Variants in COL5A2 observed in about 807,000 individuals in gnomAD.
COL5A2 encodes collagen type V alpha 2 chain.
In COL5A2, 23 loss-of-function variants were observed where a neutral mutation model predicts 208.2. That is an observed-to-expected ratio of 0.11 (90% CI 0.08 to 0.16). The LOEUF (loss-of-function observed/expected upper bound fraction) is 0.16. Ranked by LOEUF, COL5A2 falls within the 10% of genes least tolerant of loss-of-function variation. COL5A2 has a pLI of 1.00. For synonymous variants in COL5A2, 625 were observed against 628.5 expected (o/e 0.99, Z 0.08); for missense variants, 1,590 against 1,956.4 (o/e 0.81, Z 3.53).
intron 1 of COL5A2, among the ~76,000 whole-genome samples, chr2:189,193,326 A>G (rs967631640): frequency 6.6e-6 from 1 of 152,212 alleles, no homozygotes; most frequent in Non-Finnish European, 1.5e-5. Context: ...AAAGAAAGAT[A>G]AAGAATAATG....
chr2:189,419,226 T>A, the COL5A2 span, among the ~76,000 whole-genome samples: 1 of 152,194 alleles, frequency 6.6e-6, no homozygotes, highest in Non-Finnish European at 1.5e-5. Context: ...ATTTCTGCTA[T>A]CTAGAATTTA....
At chr2:189,336,019 C>A in the COL5A2 span, among the ~76,000 whole-genome samples, 1 of 151,638 alleles carries the variant, frequency 6.6e-6, no homozygotes, top group Non-Finnish European at 1.5e-5. Flanking sequence ...AGATCTTTTA[C>A]AATATAGAAA....
At chr2:189,171,577 G>A (rs1434669608) in intron 1 of COL5A2, among the ~76,000 whole-genome samples, 2 of 152,178 alleles carry the variant, frequency 1.3e-5, no homozygotes, top group South Asian at 4.1e-4. Context: ...GAATGACCGG[G>A]TAGCATCATG....
chr2:189,246,625 T>A, the COL5A2 span, among the ~76,000 whole-genome samples: 1 of 152,212 alleles, frequency 6.6e-6, no homozygotes, highest in Admixed American at 6.5e-5. Context: ...GAAAAGAAAT[T>A]GAACTCTGTT....
chr2:189,239,245 T>C, the COL5A2 span, among the ~76,000 whole-genome samples: 1 of 152,116 alleles, frequency 6.6e-6, no homozygotes, highest in East Asian at 1.9e-4. Flanking sequence ...ATTTTTTTAA[T>C]GTTAATAATT....
At chr2:189,059,382 T>C (rs547668642) in intron 31 of COL5A2, among the ~76,000 whole-genome samples, 12 of 152,106 alleles carry the variant, frequency 7.9e-5, no homozygotes, top group African/African-American at 2.6e-4. Context: ...TTCAAACCAG[T>C]GCAGTCATGT....
chr2:189,172,690 C>A (rs1688593597), intron 1 of COL5A2, among the ~76,000 whole-genome samples: 1 of 152,088 alleles, frequency 6.6e-6, no homozygotes, highest in South Asian at 2.1e-4. Context: ...ACATAGACTA[C>A]AACGAGGCTA....
intron 30 of COL5A2, among the ~76,000 whole-genome samples, chr2:189,061,074 CT>C (rs1686020618): frequency 6.6e-6 from 1 of 152,034 alleles, no homozygotes; most frequent in Middle Eastern, 3.2e-3. Context: ...GTTTTTATGG[CT>C]CTGTGAACAA....
At chr2:189,404,738 T>G in the COL5A2 span, among the ~76,000 whole-genome samples, 2 of 152,204 alleles carry the variant, frequency 1.3e-5, no homozygotes, top group African/African-American at 4.8e-5. Context: ...CTATCCCTAC[T>G]CGAGAAAATT....
the COL5A2 span, among the ~76,000 whole-genome samples, chr2:189,296,203 A>C: frequency 2.0e-5 from 3 of 152,100 alleles, no homozygotes; most frequent in African/African-American, 7.2e-5. Flanking sequence ...TGCTGCTTCC[A>C]ATCTACTGTT....
At chr2:189,117,491 A>G (rs919340549) in intron 1 of COL5A2, among the ~76,000 whole-genome samples, 2 of 152,138 alleles carry the variant, frequency 1.3e-5, no homozygotes, top group Non-Finnish European at 2.9e-5. Flanking sequence ...AATGATGTCT[A>G]CTTAATCTCT....
chr2:189,413,619 T>G, the COL5A2 span, among the ~76,000 whole-genome samples: 19 of 151,878 alleles, frequency 1.3e-4, no homozygotes, highest in East Asian at 3.7e-3. Context: ...ACAATGTAAT[T>G]TGTGTTAGGG....
At chr2:189,182,534 A>T (rs894058549), upstream of COL5A2, among the ~76,000 whole-genome samples, 1 of 152,114 alleles carries the variant, frequency 6.6e-6, no homozygotes, top group East Asian at 1.9e-4. Context: ...CACTGTCCCC[A>T]GGAGGAGCCT....
chr2:189,050,665 G>T lies in COL5A2; in HGVS notation c.2943C>A (p.Gly981=). ...CGGTCGTTCCAGCTGGACCAGGGGG[G>T]CCATCTGGACCCTAATGTTGAGGAC... The part of the protein sequence containing the change: ...PGEDGQPGPD[G]PPGPAGTTGQ... The change falls in exon 43 of 54, where the codon GGC becomes GGA. Residue 981 remains glycine (G), a synonymous_variant. Transcript: ENST00000374866. The T allele has an allele frequency of 1.3e-6, 2 of 1,551,862 alleles. No individual in the cohort carries two copies. Among genetic ancestry groups the T allele is most frequent in the South Asian group, 1.2e-5 (1 of 84,074 alleles).
chr2:189,034,907 A>C lies in COL5A2; in HGVS notation c.4353+9T>G. ...TCAACCAGATCAATGTAGATCAAAA[A>C]GTACTTACAGAGCAAGTGTCTTGAA... On this transcript the variant is annotated intron_variant, in intron 53 of 53. Coordinates refer to ENST00000374866, the MANE Select transcript of COL5A2 (RefSeq NM_000393.5). 1 of 1,613,856 alleles carries C rather than the reference A, an allele frequency of 6.2e-7. No individual in the cohort carries two copies. Among genetic ancestry groups the C allele is most frequent in the Non-Finnish European group, 8.5e-7 (1 of 1,179,812 alleles).
chr2:189,250,640 C>G, the COL5A2 span, among the ~76,000 whole-genome samples: 1 of 152,166 alleles, frequency 6.6e-6, no homozygotes, highest in Non-Finnish European at 1.5e-5. Flanking sequence ...CTCTTCCTTT[C>G]CAAGGCTAAC....
At chr2:189,147,243 T>C (rs561304267) in intron 1 of COL5A2, among the ~76,000 whole-genome samples, 1 of 152,282 alleles carries the variant, frequency 6.6e-6, no homozygotes, top group Admixed American at 6.5e-5. Flanking sequence ...ATACCTAAGA[T>C]GCTATAACAT....
chr2:189,184,936 GT>G (rs1688830737), intron 1 of COL5A2, among the ~76,000 whole-genome samples: 1 of 152,138 alleles, frequency 6.6e-6, no homozygotes, highest in African/African-American at 2.4e-5. Context: ...TTCCTTGTCG[GT>G]CATGGGGAAG....
the COL5A2 span, among the ~76,000 whole-genome samples, chr2:189,414,997 T>C: frequency 6.6e-6 from 1 of 152,128 alleles, no homozygotes; most frequent in African/African-American, 2.4e-5. Flanking sequence ...TCCAAACTTC[T>C]ATTAATAAGA....
Sources: gnomAD v4.1 joint callset for allele counts (sites outside exome capture counted in the v4.1 genomes callset) on GRCh38, gnomAD v4.1.1 for gene constraint, MANE v1.5 for transcripts, NCBI Gene and HGNC (gene_info 2026-07-23, HGNC 2026-07-21) for gene names.